Variants in RPTOR observed in about 807,000 individuals in gnomAD.
The protein encoded by RPTOR is regulatory associated protein of MTOR complex 1.
A neutral mutation model predicts 169.9 loss-of-function variants in RPTOR; 21 were observed. The ratio of observed to expected loss-of-function variants is 0.12; its 90% CI spans 0.09 to 0.18. The LOEUF is 0.18. Among genes scored for constraint, RPTOR ranks in the 10% least tolerant of loss-of-function variants. RPTOR has a pLI of 1.00. For synonymous variants in RPTOR, 732 were observed against 753.2 expected (o/e 0.97, Z 0.46); for missense variants, 1,133 against 1,855.9 (o/e 0.61, Z 7.16).
chr17:80,941,995 G>A (rs2069035903), intron 25 of RPTOR: 2 of 152,272 alleles, frequency 1.3e-5, no homozygotes, highest in Non-Finnish European at 2.9e-5. Context: ...GTTGTTTGTA[G>A]CCCTCTGTGC....
intron 20 of RPTOR, among the ~76,000 whole-genome samples, chr17:80,895,101 T>C (rs540979984): frequency 5.9e-5 from 9 of 152,350 alleles, no homozygotes; most frequent in African/African-American, 1.9e-4. Flanking sequence ...TCTTGCCTTT[T>C]GTTCCTTTTC....
chr17:80,942,430 T>C (rs1309986741), intron 25 of RPTOR, among the ~76,000 whole-genome samples: 3 of 150,540 alleles, frequency 2.0e-5, no homozygotes, highest in African/African-American at 7.3e-5. Flanking sequence ...AGAATATATT[T>C]GTAAACCAGA....
intron 6 of RPTOR, among the ~76,000 whole-genome samples, chr17:80,787,345 C>T (rs376369054): frequency 3.9e-5 from 6 of 152,330 alleles, no homozygotes; most frequent in East Asian, 1.9e-4. Flanking sequence ...TCTAACTCTG[C>T]GAATATGCCA....
At chr17:80,631,715 AT>A (rs1365912635) in intron 2 of RPTOR, among the ~76,000 whole-genome samples, 1 of 152,188 alleles carries the variant, frequency 6.6e-6, no homozygotes, top group Non-Finnish European at 1.5e-5. Flanking sequence ...AAAACTACAA[AT>A]TATTCTCAGC....
At position 80,922,874 on chromosome 17, in the gene RPTOR, C is replaced by T. The variant is rs187723785; in HGVS notation, c.2624+47C>T. 1.2e-4 allele frequency: 183 copies of T among 1,486,794 alleles called. 1 individual carries two copies. In the African/African-American group the frequency reaches 2.4e-3, roughly 19 times the overall value. The allele number at this position is 1,486,794 out of a possible 1,614,324, so 92.1% of individuals were successfully genotyped here. Reference sequence around the variant, plus strand: ...TGCAGGTCCGTGGTGGTGACCGGGGCCCCACGGGCTGAGCTGTCCCTGAGC... The same window carrying T: ...TGCAGGTCCGTGGTGGTGACCGGGGTCCCACGGGCTGAGCTGTCCCTGAGC... On this transcript the variant is annotated intron_variant, in intron 22 of 33. Coordinates refer to ENST00000306801, the MANE Select transcript of RPTOR (RefSeq NM_020761.3).
Position 80,845,965 on chromosome 17 carries a change from G to A in RPTOR, c.1213-508G>A, listed in dbSNP as rs1002511809. Among the ~76,000 whole-genome samples, 3 of 152,190 alleles carry A rather than the reference G, an allele frequency of 2.0e-5. No individual in the cohort carries two copies. Among genetic ancestry groups the A allele is most frequent in the African/African-American group, 7.2e-5 (3 of 41,446 alleles). On this transcript the variant is annotated intron_variant, in intron 10 of 33. Transcript: ENST00000306801. The surrounding 1 kb of genome is among the most constrained non-coding windows in gnomAD (Gnocchi z 5.4). Reference sequence around the variant, plus strand: ...CACTGCCGGGCCCTCACCGGCCCCAGCGCGGCCCCAGCTCATCTCCTTGGT... The same window carrying A: ...CACTGCCGGGCCCTCACCGGCCCCAACGCGGCCCCAGCTCATCTCCTTGGT...
chr17:80,607,482 A>G (rs917913744), intron 1 of RPTOR, among the ~76,000 whole-genome samples: 1 of 151,896 alleles, frequency 6.6e-6, no homozygotes, highest in Non-Finnish European at 1.5e-5. Flanking sequence ...CTGCTTTCTA[A>G]TCTAGCCACT....
At chr17:80,762,906 A>G (rs1361864313) in intron 6 of RPTOR, among the ~76,000 whole-genome samples, 1 of 152,246 alleles carries the variant, frequency 6.6e-6, no homozygotes, top group Admixed American at 6.5e-5. Flanking sequence ...AGTGTGAGAT[A>G]CGATGGCTAA....
chr17:80,616,801 T>C (rs536098188), intron 1 of RPTOR, among the ~76,000 whole-genome samples: 65 of 152,218 alleles, frequency 4.3e-4, no homozygotes, highest in African/African-American at 1.5e-3. Flanking sequence ...ATACTTACTT[T>C]ACGAAGACCA....
At chr17:80,658,081 C>G (rs2143639803) in intron 3 of RPTOR, among the ~76,000 whole-genome samples, 1 of 152,310 alleles carries the variant, frequency 6.6e-6, no homozygotes, top group South Asian at 2.1e-4. Flanking sequence ...ATGCATTTAA[C>G]CCTCCTACCC....
intron 4 of RPTOR, among the ~76,000 whole-genome samples, chr17:80,724,212 G>C (rs1022349512): frequency 6.6e-6 from 1 of 151,134 alleles, no homozygotes; most frequent in Non-Finnish European, 1.5e-5. Context: ...CTTTGAAGCT[G>C]GACATGAGAG....
At chr17:80,741,830 C>T (rs756150484) in intron 5 of RPTOR, among the ~76,000 whole-genome samples, 69 of 152,178 alleles carry the variant, frequency 4.5e-4, no homozygotes, top group African/African-American at 1.4e-3. Flanking sequence ...TCGAGGCCTG[C>T]GTTCGGTGGT....
intron 7 of RPTOR, among the ~76,000 whole-genome samples, chr17:80,818,247 A>G (rs1196054753): frequency 6.6e-6 from 1 of 152,178 alleles, no homozygotes; most frequent in Non-Finnish European, 1.5e-5. Context: ...CTTGTCTCCC[A>G]ATTCAGGAGT....
chr17:80,776,795 G>T (rs1028737164), intron 6 of RPTOR, among the ~76,000 whole-genome samples: 13 of 152,196 alleles, frequency 8.5e-5, no homozygotes, highest in African/African-American at 3.1e-4. Flanking sequence ...TGCAAGAAAG[G>T]ACCAGTATTA....
At chr17:80,782,332 G>GT (rs1451581445) in intron 6 of RPTOR, among the ~76,000 whole-genome samples, 1 of 152,136 alleles carries the variant, frequency 6.6e-6, no homozygotes, top group Non-Finnish European at 1.5e-5. Context: ...AGATATAATG[G>GT]TGGGTCATTT....
intron 11 of RPTOR, among the ~76,000 whole-genome samples, chr17:80,848,373 G>T (rs1012968880): frequency 6.6e-6 from 1 of 152,226 alleles, no homozygotes; most frequent in Non-Finnish European, 1.5e-5. Context: ...ATTGCAAAAA[G>T]AATGCAGACG....
At chr17:80,872,005 G>A (rs1254801159) in intron 13 of RPTOR, among the ~76,000 whole-genome samples, 1 of 152,152 alleles carries the variant, frequency 6.6e-6, no homozygotes, top group East Asian at 1.9e-4. Context: ...GTCACCTAGC[G>A]TTCCCCCTGC....
intron 25 of RPTOR, among the ~76,000 whole-genome samples, chr17:80,943,462 C>T (rs559337974): frequency 1.6e-4 from 24 of 152,316 alleles, no homozygotes; most frequent in Middle Eastern, 3.4e-3. Flanking sequence ...CCCGCAAAGC[C>T]GGAGTCCTGC....
intron 1 of RPTOR, among the ~76,000 whole-genome samples, chr17:80,619,363 C>T (rs1033500696): frequency 1.3e-5 from 2 of 152,048 alleles, no homozygotes; most frequent in African/African-American, 2.4e-5. Flanking sequence ...GAATTTATAC[C>T]CAAGCTTGTT....
Sources: gnomAD v4.1 joint callset for allele counts (sites outside exome capture counted in the v4.1 genomes callset) on GRCh38, gnomAD v4.1.1 for gene constraint, Gnocchi (gnomAD v3.1) non-coding constraint, MANE v1.5 for transcripts, NCBI Gene and HGNC (gene_info 2026-07-23, HGNC 2026-07-21) for gene names.